Variants in HYI observed in about 807,000 individuals in gnomAD.
The protein encoded by HYI is hydroxypyruvate isomerase (putative).
Under a neutral mutation model 39.7 loss-of-function variants are expected in HYI, and 47 were observed. That is an observed-to-expected ratio of 1.18 (90% CI 0.94 to 1.51). The LOEUF (loss-of-function observed/expected upper bound fraction) is 1.51, where lower values mean the gene tolerates loss of function less well. Ranked by LOEUF, HYI falls within the 40% of genes most tolerant of loss-of-function variation. The pLI is 0.00. For synonymous variants in HYI, 186 were observed against 158.8 expected, an observed-to-expected ratio of 1.17 and a Z score of -1.29; for missense variants, 465 against 370.3, an observed-to-expected ratio of 1.26 and a Z score of -2.10.
intron 2 of HYI, chr1:43,452,582 C>T (rs1656563937): frequency 1.8e-5 from 11 of 608,940 alleles, no homozygotes; most frequent in Admixed American, 2.6e-5. Context: ...CGGTCCTTCT[C>T]CGCAACCTGT....
rs959914487 is a variant in HYI at position 43,451,472 on chromosome 1, A to T, written c.698T>A (p.Leu233Gln). Residue 233 changes from leucine (L) to glutamine (Q), a missense_variant, in exon 7 of 8, where the codon CTG becomes CAG. By Grantham distance (113) the Leu-to-Gln change is moderately radical (BLOSUM62 -2). Transcript: ENST00000372430. ...GCCTTCATCTTCCAGCAGTTGAAACAGATAGGGGAAATTCAGCTCTCCGGG... is the reference window on the plus strand; with the variant it reads ...GCCTTCATCTTCCAGCAGTTGAAACTGATAGGGGAAATTCAGCTCTCCGGG... The part of the protein sequence containing the change: ...SSPGELNFPY[L>Q]FQLLEDEGYK... 2 of 1,614,120 alleles carry T rather than the reference A, an allele frequency of 1.2e-6. No homozygotes were observed. The highest frequency in any genetic ancestry group is 8.5e-7 in the Non-Finnish European group (1 of 1,180,026).
rs1553157766 is a variant in HYI at position 43,451,494 on chromosome 1, C to T, written c.676G>A (p.Gly226Arg). 15 of 1,614,030 alleles carry T rather than the reference C, an allele frequency of 9.3e-6. No homozygotes were observed. Among genetic ancestry groups the T allele is most frequent in the Admixed American group, 6.7e-5 (4 of 60,012 alleles). Residue 226 changes from glycine (G) to arginine (R), a missense_variant, in exon 7 of 8, where the codon GGA becomes AGA. Gly to Arg is a moderately radical substitution (Grantham distance 125). Coordinates refer to ENST00000372430, the MANE Select transcript of HYI (RefSeq NM_001190880.3). ...AACAGATAGGGGAAATTCAGCTCTC[C>T]GGGGCTGCTGGGCTCCCCTCGGCCT... Reference protein sequence around the residue: ...VPGRGEPSSPGELNFPYLFQL... With the variant: ...VPGRGEPSSPRELNFPYLFQL...
chr1:43,453,853 GCGGGCGGC>G lies in HYI; in HGVS notation c.-68_-61del, dbSNP rs1656750590. 6 of 1,231,454 alleles carry G rather than the reference GCGGGCGGC, an allele frequency of 4.9e-6. No individual in the cohort carries two copies. The highest frequency in any genetic ancestry group is 6.1e-6 in the Non-Finnish European group (6 of 988,676). 76.3% of individuals were successfully genotyped at this position (1,231,454 alleles called of 1,614,324 possible). On this transcript the variant is annotated 5_prime_UTR_variant, in exon 1 of 8. Coordinates refer to ENST00000372430, the MANE Select transcript of HYI (RefSeq NM_001190880.3). ...ATCCAAAGGCGGCGGGCGGCGGGCGGCGGGCGGCGGGCGGGGGCGGGGCTCTCCTTGCT... is the reference window on the plus strand; with the variant it reads ...ATCCAAAGGCGGCGGGCGGCGGGCGGGGGCGGGGGCGGGGCTCTCCTTGCT...
At chr1:43,452,133 C>T in intron 3 of HYI, 72 bp downstream of exon 3, 1 of 1,491,732 alleles carries the variant, frequency 6.7e-7, no homozygotes, top group Non-Finnish European at 9.3e-7. Context: ...CACGTGCTGT[C>T]CCCACTGTGC....
chr1:43,452,178 G>T, intron 3 of HYI, 27 bp downstream of exon 3: 1 of 1,567,650 alleles, frequency 6.4e-7, no homozygotes, highest in Non-Finnish European at 8.8e-7. Flanking sequence ...AGACATGTAA[G>T]TACGTGTGTG....
intron 2 of HYI, 176 bp from the exon 3 acceptor site, chr1:43,452,495 G>C (rs1198446595): frequency 1.4e-6 from 1 of 693,372 alleles, no homozygotes; most frequent in Non-Finnish European, 2.7e-6. Context: ...TGGCTGAGGG[G>C]CAAGCCCTTT....
intron 2 of HYI, 120 bp downstream of exon 2, chr1:43,453,266 G>A (rs1325254807): frequency 2.9e-6 from 2 of 694,382 alleles, no homozygotes; most frequent in East Asian, 2.7e-5. Context: ...CAGGACCGCA[G>A]AGGCAGAGAT....
chr1:43,451,146 C>A lies in HYI; in HGVS notation c.*92G>T, dbSNP rs772523790. On this transcript the variant is annotated 3_prime_UTR_variant, in exon 8 of 8. Transcript: ENST00000372430. ...GTGTCCCACCACCCCATTACAGAGA[C>A]ATATGACAATGTTCAGCAGGTCATC... 2 of 1,187,742 alleles carry A rather than the reference C, an allele frequency of 1.7e-6. No homozygotes were observed. The highest frequency in any genetic ancestry group is 2.4e-5 in the South Asian group (2 of 82,626). 73.6% of individuals were successfully genotyped at this position (1,187,742 alleles called of 1,614,324 possible).
downstream of HYI, chr1:43,450,806 C>G (rs1311830762): frequency 1.4e-6 from 1 of 708,914 alleles, no homozygotes; most frequent in Non-Finnish European, 2.6e-6. The surrounding 1 kb of genome is among the most constrained non-coding windows in gnomAD (Gnocchi z 4.3). Context: ...CAAACACCCC[C>G]TAGAGCTCCT....
rs368838329 is a variant in HYI at position 43,452,287 on chromosome 1, C to T, written c.344G>A (p.Gly115Glu). ...IHLMAGRVPQ[G>E]ADRIAVKAEM... is the part of the protein sequence containing the mutation. ...AGCCTTGACTGCTATTCGATCAGCT[C>T]CCTGGGGTACTCGGCCAGCCATCAG... Residue 115 changes from glycine to glutamate, a missense_variant, in exon 3 of 8, where the codon GGA becomes GAA. Gly to Glu is a moderately conservative substitution (Grantham distance 98). Transcript: ENST00000372430. 6 of 1,613,966 alleles carry T rather than the reference C, an allele frequency of 3.7e-6. No individual in the cohort carries two copies. The highest frequency in any genetic ancestry group is 1.7e-5 in the Admixed American group (1 of 60,000).
intron 2 of HYI, 87 bp downstream of exon 2, chr1:43,453,299 G>T: frequency 7.0e-6 from 6 of 861,300 alleles, no homozygotes; most frequent in Non-Finnish European, 9.0e-6. Flanking sequence ...TCAGACTTCT[G>T]AGCGTCTCAG....
At position 43,453,598 on chromosome 1, in the gene HYI, G is replaced by A; in HGVS notation, c.196C>T (p.Pro66Ser). The A allele has an allele frequency of 2.0e-6, 3 of 1,526,168 alleles. No homozygotes were observed. The highest frequency in any genetic ancestry group is 2.6e-6 in the Non-Finnish European group (3 of 1,136,892). 94.5% of individuals were successfully genotyped at this position (1,526,168 alleles called of 1,614,324 possible). The change falls in exon 1 of 8, where the codon CCG becomes TCG. Residue 66 changes from proline (P) to serine (S), a missense_variant. Pro to Ser is a moderately conservative substitution (Grantham distance 74). Transcript: ENST00000372430. ...GLRLVLINTP[P>S]GDQEKGEMGL... ...GCCCTCCCGGCCCGCGACGCACCCG[G>A]GGGCGTGTTGATCAGTACAAGCCGC...
Position 43,453,428 on chromosome 1 carries a change from A to C in HYI, c.269T>G (p.Leu90Arg), listed in dbSNP as rs572238649. 2 of 1,562,134 alleles carry C rather than the reference A, an allele frequency of 1.3e-6. No homozygotes were observed. Among genetic ancestry groups the C allele is most frequent in the African/African-American group, 2.7e-5 (2 of 73,484 alleles). ...PGRQAAFREG[L>R]EQAVRYAKAL... ...TTTGGCATACCGCACGGCCTGCTCCAGTCCCTCTCGGAAGGCCGCCTGTCT... is the reference window on the plus strand; with the variant it reads ...TTTGGCATACCGCACGGCCTGCTCCCGTCCCTCTCGGAAGGCCGCCTGTCT... Residue 90 changes from leucine to arginine, a missense_variant, in exon 2 of 8, where the codon CTG becomes CGG. Coordinates refer to ENST00000372430, the MANE Select transcript of HYI (RefSeq NM_001190880.3).
In HYI at chr1:43,452,286, T is replaced by A. The variant is rs1209010634; in HGVS notation, c.345A>T (p.Gly115=). 1.2e-6 allele frequency: 2 copies of A among 1,614,040 alleles called. No homozygotes were observed. Among genetic ancestry groups the A allele is most frequent in the Admixed American group, 1.7e-5 (1 of 60,010 alleles). The change falls in exon 3 of 8, where the codon GGA becomes GGT. Residue 115 remains glycine (G), a synonymous_variant. Coordinates refer to ENST00000372430, the MANE Select transcript of HYI (RefSeq NM_001190880.3). The part of the protein sequence containing the change: ...IHLMAGRVPQ[G]ADRIAVKAEM... ...CAGCCTTGACTGCTATTCGATCAGC[T>A]CCCTGGGGTACTCGGCCAGCCATCA...
At chr1:43,451,888 C>T in intron 4 of HYI, 41 bp from the exon 5 acceptor site, 6 of 1,613,898 alleles carry the variant, frequency 3.7e-6, no homozygotes, top group Non-Finnish European at 4.2e-6. Flanking sequence ...GCCTCAAGAG[C>T]ACAGGAATCA....
chr1:43,453,587 C>T lies in HYI; in HGVS notation c.199+8G>A. 6.6e-7 allele frequency: 1 copy of T among 1,520,132 alleles called. No individual in the cohort carries two copies. The highest frequency in any genetic ancestry group is 8.8e-7 in the Non-Finnish European group (1 of 1,133,322). The allele number at this position is 1,520,132 out of a possible 1,614,324, so 94.2% of individuals were successfully genotyped here. On this transcript the variant is annotated splice_region_variant and intron_variant, in intron 1 of 7. Transcript: ENST00000372430. Reference sequence around the variant, plus strand: ...CAGCCCTCCCAGCCCTCCCGGCCCGCGACGCACCCGGGGGCGTGTTGATCA... The same window carrying T: ...CAGCCCTCCCAGCCCTCCCGGCCCGTGACGCACCCGGGGGCGTGTTGATCA...
rs781770402 is a variant in HYI, at chr1:43,451,514, C to T, written c.656G>A (p.Arg219Gln). ...CTCTCCGGGGCTGCTGGGCTCCCCT[C>T]GGCCTGGGACCTGTGCCACCTGCAC... ...GHVQVAQVPG[R>Q]GEPSSPGELN... Residue 219 changes from arginine to glutamine, a missense_variant, in exon 7 of 8, where the codon CGA (arginine) becomes CAA (glutamine). By Grantham distance (43) the Arg-to-Gln change is conservative (BLOSUM62 1). Transcript: ENST00000372430. 6.8e-6 allele frequency: 11 copies of T among 1,614,022 alleles called. No individual in the cohort carries two copies. Among genetic ancestry groups the T allele is most frequent in the East Asian group, 2.2e-5 (1 of 44,888 alleles).
At chr1:43,452,140 G>A in intron 3 of HYI, 65 bp downstream of exon 3, 1 of 1,507,182 alleles carries the variant, frequency 6.6e-7, no homozygotes, top group South Asian at 1.2e-5. Context: ...TGTCCCCACT[G>A]TGCACCCCCT....
Position 43,451,216 on chromosome 1 carries a change from C to T in HYI, c.*22G>A. 6.2e-7 allele frequency: 1 copy of T among 1,611,616 alleles called. No homozygotes were observed. The highest frequency in any genetic ancestry group is 8.5e-7 in the Non-Finnish European group (1 of 1,177,868). On this transcript the variant is annotated 3_prime_UTR_variant, in exon 8 of 8. Transcript: ENST00000372430. ...TGGGATGTCACTCGCTGTCTGGAGG[C>T]ACGTGGGTGGTGTGCGGGCCCTCAC...
Sources: allele counts gnomAD v4.1 joint callset, GRCh38; gene constraint gnomAD v4.1.1; non-coding constraint Gnocchi (gnomAD v3.1); transcripts MANE v1.5; gene names NCBI Gene and HGNC (gene_info 2026-07-23, HGNC 2026-07-21).